Variants in SPECC1L observed in about 807,000 individuals in gnomAD.
The protein encoded by SPECC1L is sperm antigen with calponin homology and coiled-coil domains 1 like, also known as cytospin-A.
In SPECC1L, 40 loss-of-function variants were observed where a neutral mutation model predicts 116.8. The ratio of observed to expected loss-of-function variants is 0.34; its 90% confidence interval spans 0.27 to 0.45. The LOEUF (loss-of-function observed/expected upper bound fraction) is 0.45, where lower values mean the gene tolerates loss of function less well. Among genes scored for constraint, SPECC1L ranks in the 20% least tolerant of loss-of-function variants. The pLI is 1.00. For missense variants in SPECC1L, 1,110 were observed against 1,373.6 expected (o/e 0.81, Z 3.03); for synonymous variants, 504 against 500.6 (o/e 1.01, Z -0.09).
intron 2 of SPECC1L, among the ~76,000 whole-genome samples, chr22:24,279,429 A>C (rs936581607): frequency 6.6e-6 from 1 of 152,098 alleles, no homozygotes. Flanking sequence ...AGGTTTCACT[A>C]TTTTGCACAG....
intron 14 of SPECC1L, among the ~76,000 whole-genome samples, chr22:24,402,031 TACCATGTAAGTACCAAC>T (rs2042486364): frequency 6.6e-6 from 1 of 151,850 alleles, no homozygotes; most frequent in South Asian, 2.1e-4. Flanking sequence ...GCTCCCTCTT[TACCATGTAAGTACCAAC>T]ACCTGGGCTC....
At chr22:24,385,199 A>G (rs564419305) in intron 14 of SPECC1L, among the ~76,000 whole-genome samples, 1 of 152,240 alleles carries the variant, frequency 6.6e-6, no homozygotes, top group Admixed American at 6.5e-5. Context: ...GTGTGGCTAT[A>G]ATATTTAAAA....
At chr22:24,350,930 CAG>C (rs754193026) in intron 11 of SPECC1L, among the ~76,000 whole-genome samples, 3 of 152,204 alleles carry the variant, frequency 2.0e-5, no homozygotes, top group Non-Finnish European at 4.4e-5. Flanking sequence ...AGACCCCTAT[CAG>C]AGGGCACTGA....
At position 24,369,328 on chromosome 22, in the gene SPECC1L, T is replaced by G. The variant is rs762105173; in HGVS notation, c.3087+8T>G. 6.2e-7 allele frequency: 1 copy of G among 1,604,402 alleles called. No homozygotes were observed. The highest frequency in any genetic ancestry group is 8.5e-7 in the Non-Finnish European group (1 of 1,171,152). On this transcript the variant is annotated splice_region_variant and intron_variant, in intron 14 of 16. Coordinates refer to ENST00000314328, the MANE Select transcript of SPECC1L (RefSeq NM_015330.6). ...AAAACAGAAGGCTATCAGGTAATCA[T>G]ATGATTCTTTTGTCCCATGTGAGTA...
chr22:24,278,505 T>C (rs1321517529), intron 2 of SPECC1L, among the ~76,000 whole-genome samples: 1 of 152,164 alleles, frequency 6.6e-6, no homozygotes, highest in Non-Finnish European at 1.5e-5. Context: ...TTGCATAATA[T>C]AAATATACCA....
chr22:24,334,784 T>C (rs1035960322), intron 9 of SPECC1L, among the ~76,000 whole-genome samples: 15 of 152,246 alleles, frequency 9.9e-5, no homozygotes, highest in African/African-American at 3.6e-4. Context: ...GACAGAAGCC[T>C]GAATCCCATG....
At chr22:24,369,118 C>A in intron 13 of SPECC1L, 100 bp from the exon 14 acceptor site, 1 of 814,572 alleles carries the variant, frequency 1.2e-6, no homozygotes, top group Non-Finnish European at 2.2e-6. Context: ...ATTGCCTTAC[C>A]ATGTATATTT....
intron 14 of SPECC1L, among the ~76,000 whole-genome samples, chr22:24,409,530 G>A (rs1384307288): frequency 6.6e-6 from 1 of 152,154 alleles, no homozygotes; most frequent in African/African-American, 2.4e-5. Context: ...GATCACACCT[G>A]TAATCCCAGC....
chr22:24,351,217 C>T (rs1010524738), intron 11 of SPECC1L, among the ~76,000 whole-genome samples: 3 of 152,196 alleles, frequency 2.0e-5, no homozygotes, highest in Admixed American at 2.0e-4. Flanking sequence ...TGTTGGGCCT[C>T]CCCTCAGATC....
chr22:24,401,251 G>A (rs1304717092), intron 14 of SPECC1L, among the ~76,000 whole-genome samples: 1 of 152,192 alleles, frequency 6.6e-6, no homozygotes, highest in Non-Finnish European at 1.5e-5. Flanking sequence ...CTTTTTGAAG[G>A]AACGGGATTG....
chr22:24,398,983 TG>T lies in SPECC1L; in HGVS notation c.3088-12604del, dbSNP rs1470846256. 7.2e-5 allele frequency among the ~76,000 whole-genome samples: 11 copies of T among 152,358 alleles called. 1 individual carries two copies. The highest frequency in any genetic ancestry group is 5.2e-4 in the Admixed American group (8 of 15,310). ...TCCCCTGCCAAAGCTAAACTAAATC[TG>T]TGGGAAAAGACAGTAATCATTCCTA... On this transcript the variant is annotated intron_variant, in intron 14 of 16. Coordinates refer to ENST00000314328, the MANE Select transcript of SPECC1L (RefSeq NM_015330.6).
chr22:24,302,930 C>CGATGAT (rs75972989), intron 3 of SPECC1L, among the ~76,000 whole-genome samples: 5 of 151,740 alleles, frequency 3.3e-5, no homozygotes, highest in South Asian at 4.2e-4. Context: ...AGCTGGTCCA[C>CGATGAT]GATGATGATG....
chr22:24,321,047 C>T (rs533644901), intron 4 of SPECC1L, among the ~76,000 whole-genome samples: 7 of 152,154 alleles, frequency 4.6e-5, no homozygotes, highest in Non-Finnish European at 2.9e-5. Context: ...AAAATTTACT[C>T]TTTTAAAAAC....
intron 2 of SPECC1L, among the ~76,000 whole-genome samples, chr22:24,301,869 A>G (rs2049386029): frequency 6.6e-6 from 1 of 151,958 alleles, no homozygotes; most frequent in South Asian, 2.1e-4. Context: ...ACACGGTGAA[A>G]CCCTGTCTCT....
rs763577343 is a variant in SPECC1L, at chr22:24,412,621, A to G, written c.3205-27A>G. The G allele has an allele frequency of 4.3e-6, 7 of 1,613,108 alleles. No individual in the cohort carries two copies. The African/African-American group carries it at 5.3e-5, about 12-fold the overall frequency. On this transcript the variant is annotated intron_variant, in intron 15 of 16. Coordinates refer to ENST00000314328, the MANE Select transcript of SPECC1L (RefSeq NM_015330.6). The stretch of plus-strand genomic sequence containing the variant: ...GACTTTCTCTGTGCCTTGTTCATGC[A>G]CTGCAGTGACACAGTTTCTTTTACA...
chr22:24,357,254 G>C (rs1387820516), intron 11 of SPECC1L, among the ~76,000 whole-genome samples: 20 of 152,006 alleles, frequency 1.3e-4, no homozygotes, highest in Admixed American at 1.3e-3. Flanking sequence ...CCATTTTGTG[G>C]CATGAAACAA....
In SPECC1L at chr22:24,306,659, C is replaced by T. The variant is rs1055664508; in HGVS notation, c.153+4275C>T. Among the ~76,000 whole-genome samples the T allele has an allele frequency of 3.3e-5, 5 of 152,234 alleles. No homozygotes were observed. The East Asian group carries it at 5.8e-4, about 18-fold the overall frequency. On this transcript the variant is annotated intron_variant, in intron 3 of 16. Coordinates refer to ENST00000314328, the MANE Select transcript of SPECC1L (RefSeq NM_015330.6). Reference sequence around the variant, plus strand: ...ACGGTGGGATTTTAGGTGTGAGCCACTGTGCCCAACCATCTTAACAATTTT... The same window carrying T: ...ACGGTGGGATTTTAGGTGTGAGCCATTGTGCCCAACCATCTTAACAATTTT...
intron 14 of SPECC1L, among the ~76,000 whole-genome samples, chr22:24,374,459 C>A (rs1353820315): frequency 6.6e-6 from 1 of 151,914 alleles, no homozygotes; most frequent in Non-Finnish European, 1.5e-5. Flanking sequence ...ATGATGAGTT[C>A]ATGTCCTTTG....
chr22:24,404,222 G>A (rs963476162), intron 14 of SPECC1L, among the ~76,000 whole-genome samples: 2 of 152,266 alleles, frequency 1.3e-5, no homozygotes, highest in Non-Finnish European at 2.9e-5. Flanking sequence ...GAGTGCTGAG[G>A]GGCTGGATCC....
Sources: gnomAD v4.1 joint callset for allele counts (sites outside exome capture counted in the v4.1 genomes callset) on GRCh38, gnomAD v4.1.1 for gene constraint, MANE v1.5 for transcripts, NCBI Gene and HGNC (gene_info 2026-07-23, HGNC 2026-07-21) for gene names.